The following MXRA5 variants were observed in gnomAD, a reference collection of about 807,000 sequenced individuals.
MXRA5 encodes the protein matrix remodeling associated 5.
In MXRA5, 41 loss-of-function variants were observed where a neutral mutation model predicts 112.5. The observed-to-expected ratio is 0.36, with a 90% CI of 0.28 to 0.47. The LOEUF is 0.47. MXRA5 is among the 20% of genes least tolerant of loss of function. MXRA5 has a pLI of 0.99. For synonymous variants in MXRA5, 862 were observed against 900.8 expected (o/e 0.96, Z 0.77); for missense variants, 2,150 against 2,251.0 (o/e 0.96, Z 0.91).
At chrX:3,326,829 C>T (rs761121158) in intron 4 of MXRA5, among the ~76,000 whole-genome samples, 1 of 110,697 alleles carries the variant, frequency 9.0e-6, no homozygotes, top group Admixed American at 9.7e-5. Context: ...TCAATGGCCT[C>T]TCGCATATGT....
At chrX:3,336,450 C>T (rs1449864037) in intron 2 of MXRA5, among the ~76,000 whole-genome samples, 1 of 111,721 alleles carries the variant, frequency 9.0e-6, no homozygotes, top group Admixed American at 9.5e-5. Flanking sequence ...GACCGCTGAT[C>T]TATTGTATGA....
In MXRA5 at chrX:3,321,680, G is replaced by T. The variant is rs186502396; in HGVS notation, c.4005C>A (p.Asp1335Glu). ...EIKDDVATNV[D>E]KHKSDILVTG... Reference sequence around the variant, plus strand: ...TGACTAAAATGTCACTTTTATGTTTGTCAACATTTGTGGCAACATCATCCT... The same window carrying T: ...TGACTAAAATGTCACTTTTATGTTTTTCAACATTTGTGGCAACATCATCCT... The change falls in exon 5 of 7, where the codon GAC becomes GAA. Residue 1335 changes from aspartate to glutamate, a missense_variant. This residue lies in a region of MXRA5 where 1,485 missense variants were observed against 1,471.6 expected (regional missense o/e 1.01). Transcript: ENST00000217939. The T allele has an allele frequency of 3.0e-5, 36 of 1,208,395 alleles. No homozygotes were observed. The East Asian group carries it at 9.8e-4, about 33-fold the overall frequency.
rs748758671 is a variant in MXRA5, at chrX:3,330,805, A to G, written c.189-32T>C. On this transcript the variant is annotated intron_variant, in intron 2 of 6. Coordinates refer to ENST00000217939, the MANE Select transcript of MXRA5 (RefSeq NM_015419.4). ...AATGGTAATAATAATAATAACAATA[A>G]TAATAATTAAGAAAATAAATAGCGA... 1.0e-4 allele frequency: 100 copies of G among 975,435 alleles called. No homozygotes were observed. The South Asian group carries it at 2.5e-3, about 24-fold the overall frequency. 80.4% of individuals were successfully genotyped at this position (975,435 alleles called of 1,213,427 possible). A position where few individuals can be genotyped will look rare whatever the true frequency, so the allele number is the denominator to read the frequency against.
At chrX:3,326,891 C>T (rs1291784453) in intron 4 of MXRA5, among the ~76,000 whole-genome samples, 1 of 111,782 alleles carries the variant, frequency 8.9e-6, no homozygotes, top group African/African-American at 3.3e-5. Context: ...ATGTGCTTCT[C>T]TAGTCCAAAC....
At position 3,323,818 on chromosome X, in the gene MXRA5, C is replaced by T. The variant is rs774630961; in HGVS notation, c.1867G>A (p.Ala623Thr). 8.3e-7 allele frequency: 1 copy of T among 1,209,763 alleles called. No homozygotes were observed. ...LPNRRIINDL[A>T]NTSHVYMLPN... ...AACATGTATACATGTGATGTGTTAG[C>T]CAAATCATTAATTATCCTTCTGTTT... The change falls in exon 5 of 7, where the codon GCT becomes ACT. Residue 623 changes from alanine (A) to threonine (T), a missense_variant. Ala to Thr is a moderately conservative substitution (Grantham distance 58). Transcript: ENST00000217939.
rs1329429153 is a variant in MXRA5 at position 3,321,229 on chromosome X, C to T, written c.4456G>A (p.Ala1486Thr). The T allele has an allele frequency of 8.3e-7, 1 of 1,211,448 alleles. No individual in the cohort carries two copies. The highest frequency in any genetic ancestry group is 3.0e-5 in the East Asian group (1 of 33,816). ...TRPQNHTPTA[A>T]RMKEPASSSP... ...GAGGATGCTGGCTCCTTCATCCGGG[C>T]AGCAGTAGGGGTGTGATTCTGTGGT... The change falls in exon 5 of 7, where the codon GCC (alanine) becomes ACC (threonine). Residue 1486 changes from alanine to threonine, a missense_variant. Transcript: ENST00000217939.
intron 3 of MXRA5, 90 bp from the exon 4 acceptor site, chrX:3,330,498 G>A (rs1451588145): frequency 2.7e-6 from 3 of 1,105,426 alleles, no homozygotes; most frequent in Non-Finnish European, 3.6e-6. Context: ...AGTACAAAGG[G>A]CTGGAGAGTA....
At chrX:3,332,174 G>A (rs1232603087) in intron 2 of MXRA5, among the ~76,000 whole-genome samples, 1 of 111,928 alleles carries the variant, frequency 8.9e-6, no homozygotes, top group Admixed American at 9.4e-5. Context: ...AAATTTATAA[G>A]CTCTACCCTC....
rs6655062 is a variant in MXRA5, at chrX:3,337,113, C to T, written c.189-6340G>A. The stretch of plus-strand genomic sequence containing the variant: ...AAGGGGTTTGGTTGGCCGATGTCTA[C>T]GGCAGGGCTCTCTGGGGAGCTGAGA... On this transcript the variant is annotated intron_variant, in intron 2 of 6. Transcript: ENST00000217939. Among the ~76,000 whole-genome samples the T allele has an allele frequency of 4.4e-3, 488 of 112,079 alleles. 4 individuals carry two copies. The highest frequency in any genetic ancestry group is 0.013 in the African/African-American group (387 of 30,921).
intron 4 of MXRA5, among the ~76,000 whole-genome samples, chrX:3,329,025 TGAAG>T (rs1468541747): frequency 2.6e-5 from 1 of 38,444 alleles, no homozygotes; most frequent in Non-Finnish European, 5.2e-5. Context: ...AAGGAGGGAA[TGAAG>T]GAAGGAAGGA....
intron 2 of MXRA5, among the ~76,000 whole-genome samples, chrX:3,335,140 A>C (rs982952558): frequency 1.8e-5 from 2 of 111,643 alleles, no homozygotes; most frequent in South Asian, 3.8e-4. Context: ...AGTGTCAATC[A>C]TGGATAATGA....
intron 2 of MXRA5, among the ~76,000 whole-genome samples, chrX:3,341,049 A>ATT (rs1921911943): frequency 3.0e-5 from 1 of 32,995 alleles, no homozygotes; most frequent in Non-Finnish European, 7.2e-5. Flanking sequence ...TATTGTGTAT[A>ATT]ATATATATTA....
Position 3,320,617 on chromosome X carries a change from G to C in MXRA5, c.5068C>G (p.Arg1690Gly). ...KPSIPSKFTD[R>G]RTDQFNGYSK... ...TAGCCATTGAATTGGTCAGTTCTTC[G>C]GTCAGTAAACTTACTAGGAATGCTG... is the stretch of plus-strand genomic sequence containing the variant. The change falls in exon 5 of 7, where the codon CGA (arginine) becomes GGA (glycine). Residue 1690 changes from arginine (R) to glycine (G), a missense_variant. Physicochemically the swap from Arg to Gly is moderately radical, Grantham distance 125. Around this residue, in one of 6 missense-constraint regions of MXRA5, gnomAD observed 1,485 missense variants for 1,471.6 expected, o/e 1.01. Transcript: ENST00000217939. 2.5e-6 allele frequency: 3 copies of C among 1,211,362 alleles called. No individual in the cohort carries two copies. Among genetic ancestry groups the C allele is most frequent in the Non-Finnish European group, 2.2e-6 (2 of 895,140 alleles).
rs756595776 is a variant in MXRA5, at chrX:3,324,427, C to A, written c.1258G>T (p.Gly420Cys). The A allele has an allele frequency of 2.5e-6, 3 of 1,211,700 alleles. No homozygotes were observed. The highest frequency in any genetic ancestry group is 3.4e-6 in the Non-Finnish European group (3 of 895,478). The change falls in exon 5 of 7, where the codon GGT (glycine) becomes TGT (cysteine). Residue 420 changes from glycine (G) to cysteine (C), a missense_variant. Gly to Cys is a radical substitution (Grantham distance 159). Coordinates refer to ENST00000217939, the MANE Select transcript of MXRA5 (RefSeq NM_015419.4). ...TCTGCAAGAATCTGGGCTCTCACAC[C>A]TGTGTAGTAAAGAGCTTCCTCATCA... ...DADEEALYYTGVRAQILAEPE... is the reference protein window; with the variant it reads ...DADEEALYYTCVRAQILAEPE...
rs200992239 is a variant in MXRA5, at chrX:3,310,932, G to C, written c.7271C>G (p.Ala2424Gly). 120 of 1,209,611 alleles carry C rather than the reference G, an allele frequency of 9.9e-5. No individual in the cohort carries two copies. The Middle Eastern group carries it at 2.1e-3, about 21-fold the overall frequency. Residue 2424 changes from alanine (A) to glycine (G), a missense_variant, in exon 7 of 7, where the codon GCG becomes GGG. Around this residue, in one of 6 missense-constraint regions of MXRA5, gnomAD observed 1,485 missense variants for 1,471.6 expected, o/e 1.01. Transcript: ENST00000217939. ...CCACACCGTCTTCCTATCCTCTCCC[G>C]CGCTGTTCCTGACCAAGCAGGTGTA... ...GNYTCLVRNS[A>G]GEDRKTVWIH...
At chrX:3,338,257 G>A (rs927455776) in intron 2 of MXRA5, among the ~76,000 whole-genome samples, 2 of 111,393 alleles carry the variant, frequency 1.8e-5, no homozygotes, top group Admixed American at 1.9e-4. Flanking sequence ...CATAGTTGTG[G>A]TCACCAAAAA....
chrX:3,343,137 G>C (rs746293777), intron 2 of MXRA5, among the ~76,000 whole-genome samples: 2 of 112,597 alleles, frequency 1.8e-5, no homozygotes, highest in Non-Finnish European at 3.7e-5. Context: ...ATCAAAATAG[G>C]TTTTTAAAAA....
chrX:3,309,580 A>T lies in MXRA5; in HGVS notation c.*136T>A, dbSNP rs1252523478. On this transcript the variant is annotated 3_prime_UTR_variant, in exon 7 of 7. Coordinates refer to ENST00000217939, the MANE Select transcript of MXRA5 (RefSeq NM_015419.4). ...TTCCCAACAATTGTAGATCAAGATC[A>T]ACCTCAACTTGAAACCCACCAGAGG... 2.0e-6 allele frequency: 1 copy of T among 508,697 alleles called. No individual in the cohort carries two copies. The highest frequency in any genetic ancestry group is 3.2e-6 in the Non-Finnish European group (1 of 309,983). 41.9% of individuals were successfully genotyped at this position (508,697 alleles called of 1,213,427 possible).
intron 4 of MXRA5, among the ~76,000 whole-genome samples, chrX:3,328,988 G>A (rs1301099605): frequency 9.9e-6 from 1 of 100,696 alleles, no homozygotes; most frequent in African/African-American, 3.7e-5. Context: ...GAAGGAGCGA[G>A]GGAGGGAAGG....
Sources: allele counts gnomAD v4.1 joint callset (sites outside exome capture counted in the v4.1 genomes callset), GRCh38; gene constraint gnomAD v4.1.1; regional missense constraint gnomAD v4.1.1; transcripts MANE v1.5; gene names NCBI Gene and HGNC (gene_info 2026-07-23, HGNC 2026-07-21).